Variants in CRYBG1 observed in about 807,000 individuals in gnomAD.
CRYBG1 encodes the protein crystallin beta-gamma domain containing 1, also known as beta/gamma crystallin domain-containing protein 1.
Under a neutral mutation model 189.2 loss-of-function variants are expected in CRYBG1, and 139 were observed. The ratio of observed to expected loss-of-function variants is 0.73; its 90% CI spans 0.64 to 0.85. The LOEUF is 0.85. Among genes scored for constraint, CRYBG1 ranks in the 40% least tolerant of loss-of-function variants. The pLI, the probability that CRYBG1 is intolerant of heterozygous loss-of-function variation, is 0.00. For missense variants in CRYBG1, 2,611 were observed against 2,675.8 expected, an observed-to-expected ratio of 0.98 and a Z score of 0.53; for synonymous variants, 1,023 against 1,017.1, an observed-to-expected ratio of 1.01 and a Z score of -0.11.
intron 1 of CRYBG1, among the ~76,000 whole-genome samples, chr6:106,376,744 A>G (rs1474555633): frequency 6.6e-6 from 1 of 152,122 alleles, no homozygotes; most frequent in Non-Finnish European, 1.5e-5. Context: ...AGTTATTTAA[A>G]CACTTCTCAA....
At chr6:106,413,280 C>T (rs941211952) in intron 1 of CRYBG1, among the ~76,000 whole-genome samples, 4 of 152,186 alleles carry the variant, frequency 2.6e-5, no homozygotes, top group African/African-American at 9.7e-5. Flanking sequence ...TTGGTCCCAG[C>T]AGAATCACAC....
intron 9 of CRYBG1, among the ~76,000 whole-genome samples, chr6:106,540,608 A>G (rs1195109270): frequency 6.6e-6 from 1 of 152,194 alleles, no homozygotes; most frequent in Non-Finnish European, 1.5e-5. Flanking sequence ...TATGGTGTTC[A>G]AACAGGATTA....
At chr6:106,536,417 CTT>C (rs1170658306) in intron 8 of CRYBG1, among the ~76,000 whole-genome samples, 5 of 152,318 alleles carry the variant, frequency 3.3e-5, no homozygotes, top group Admixed American at 1.3e-4. Flanking sequence ...AGCCCCCTCT[CTT>C]GTGAATAACC....
chr6:106,532,847 C>A (rs1381514954), intron 8 of CRYBG1, among the ~76,000 whole-genome samples: 1 of 152,016 alleles, frequency 6.6e-6, no homozygotes, highest in Non-Finnish European at 1.5e-5. Context: ...CTCTGCATAC[C>A]CTGTCTAAAT....
rs140867686 is a variant in CRYBG1 at position 106,519,271 on chromosome 6, G to A, written c.2063G>A (p.Arg688Gln). 120 of 1,614,034 alleles carry A rather than the reference G, an allele frequency of 7.4e-5. No homozygotes were observed. The African/African-American group carries it at 1.2e-3, about 16-fold the overall frequency. ...ATKISLFENK[R>Q]TNSSPRHTDI... The stretch of plus-strand genomic sequence containing the variant: ...AAAATCTCCTTATTTGAAAACAAAC[G>A]GACAAACAGTAGCCCAAGACACACT... The change falls in exon 4 of 22, where the codon CGG becomes CAG. Residue 688 changes from arginine to glutamine, a missense_variant. By Grantham distance (43) the Arg-to-Gln change is conservative. Coordinates refer to ENST00000633556, the MANE Select transcript of CRYBG1 (RefSeq NM_001371242.2).
Position 106,519,730 on chromosome 6 carries a change from C to G in CRYBG1, c.2522C>G (p.Thr841Ser), listed in dbSNP as rs758700800. 1.2e-6 allele frequency: 2 copies of G among 1,614,096 alleles called. No individual in the cohort carries two copies. Among genetic ancestry groups the G allele is most frequent in the Middle Eastern group, 1.6e-4 (1 of 6,084 alleles). The change falls in exon 4 of 22, where the codon ACT (threonine) becomes AGT (serine). Residue 841 changes from threonine (T) to serine (S), a missense_variant. Thr to Ser is a moderately conservative substitution (Grantham distance 58, BLOSUM62 1). Coordinates refer to ENST00000633556, the MANE Select transcript of CRYBG1 (RefSeq NM_001371242.2). Reference sequence around the variant, plus strand: ...GATACAGCACAAGACATCCCCACCACTGTGGATACCAAAGATTTACCTCCA... The same window carrying G: ...GATACAGCACAAGACATCCCCACCAGTGTGGATACCAAAGATTTACCTCCA... ...VTDTAQDIPT[T>S]VDTKDLPPTA...
intron 8 of CRYBG1, among the ~76,000 whole-genome samples, chr6:106,539,032 T>TA (rs757994068): frequency 6.6e-6 from 1 of 152,198 alleles, no homozygotes; most frequent in Non-Finnish European, 1.5e-5. Context: ...CTCTTCCTCA[T>TA]AGCATGGTTG....
At chr6:106,455,939 A>G (rs1394377259) in intron 2 of CRYBG1, among the ~76,000 whole-genome samples, 1 of 152,114 alleles carries the variant, frequency 6.6e-6, no homozygotes, top group African/African-American at 2.4e-5. Context: ...TCTAATCTAT[A>G]GACTATTGCT....
At chr6:106,494,092 CT>C (rs1772786590) in intron 2 of CRYBG1, among the ~76,000 whole-genome samples, 1 of 152,034 alleles carries the variant, frequency 6.6e-6, no homozygotes, top group South Asian at 2.1e-4. Flanking sequence ...CATAGATAAC[CT>C]TGAAAACATT....
intron 2 of CRYBG1, among the ~76,000 whole-genome samples, chr6:106,489,057 G>A (rs1772656953): frequency 6.6e-6 from 1 of 152,304 alleles, no homozygotes; most frequent in East Asian, 1.9e-4. Context: ...ACTAGAGTCT[G>A]TGGCAGTGTG....
chr6:106,404,981 G>T (rs1026464178), intron 1 of CRYBG1, among the ~76,000 whole-genome samples: 2 of 151,556 alleles, frequency 1.3e-5, no homozygotes. Flanking sequence ...CAAGCTAGCC[G>T]CAGTTTTTTT....
At chr6:106,432,953 C>A (rs924488692) in intron 1 of CRYBG1, among the ~76,000 whole-genome samples, 1 of 150,844 alleles carries the variant, frequency 6.6e-6, no homozygotes, top group Non-Finnish European at 1.5e-5. Context: ...GATTCTCCTG[C>A]CTTAGACTCC....
intron 8 of CRYBG1, among the ~76,000 whole-genome samples, chr6:106,536,428 C>A (rs142208913): frequency 2.2e-4 from 34 of 152,308 alleles, no homozygotes; most frequent in Admixed American, 3.9e-4. Context: ...TTGTGAATAA[C>A]CTCAAAGTCA....
intron 1 of CRYBG1, among the ~76,000 whole-genome samples, chr6:106,377,089 G>T (rs1770180570): frequency 6.6e-6 from 1 of 152,016 alleles, no homozygotes; most frequent in African/African-American, 2.4e-5. Flanking sequence ...CAGTTCTCTT[G>T]TCTTATTTGG....
chr6:106,490,405 C>T (rs1422241904), intron 2 of CRYBG1, among the ~76,000 whole-genome samples: 1 of 152,062 alleles, frequency 6.6e-6, no homozygotes, highest in East Asian at 1.9e-4. Context: ...CTAATCGAAA[C>T]CTAATAAAAT....
At chr6:106,560,688 G>C in intron 18 of CRYBG1, 115 bp from the exon 19 acceptor site, 1 of 1,207,658 alleles carries the variant, frequency 8.3e-7, no homozygotes, top group Non-Finnish European at 1.1e-6. Context: ...TTCCCCCAAT[G>C]TATGTTAAAA....
intron 2 of CRYBG1, among the ~76,000 whole-genome samples, chr6:106,495,935 G>A (rs1159171234): frequency 6.9e-6 from 1 of 144,098 alleles, no homozygotes; most frequent in East Asian, 1.9e-4. Context: ...TGAGAGTAAG[G>A]ATTGATTTTT....
intron 1 of CRYBG1, among the ~76,000 whole-genome samples, chr6:106,403,674 G>C (rs149022303): frequency 6.6e-6 from 1 of 152,136 alleles, no homozygotes; most frequent in Non-Finnish European, 1.5e-5. Flanking sequence ...CTTACTAAGC[G>C]TGATGTGCTC....
intron 13 of CRYBG1, among the ~76,000 whole-genome samples, chr6:106,548,031 C>T (rs985125585): frequency 2.6e-5 from 4 of 152,158 alleles, no homozygotes; most frequent in Non-Finnish European, 1.5e-5. Context: ...TGGCCTTCCA[C>T]GGAAGGGCAG....
Sources: allele counts gnomAD v4.1 joint callset (sites outside exome capture counted in the v4.1 genomes callset), GRCh38; gene constraint gnomAD v4.1.1; transcripts MANE v1.5; gene names NCBI Gene and HGNC (gene_info 2026-07-23, HGNC 2026-07-21).